MUC17: variants seen among roughly 807,000 people sequenced by gnomAD.
MUC17 encodes mucin 17, cell surface associated, also known as mucin-17.
Under a neutral mutation model 170.3 loss-of-function variants are expected in MUC17, and 190 were observed. The ratio of observed to expected loss-of-function variants is 1.12; its 90% CI spans 0.99 to 1.26. The LOEUF (loss-of-function observed/expected upper bound fraction) is 1.26. MUC17 is among the 50% of genes most tolerant of loss of function. The pLI, the probability that MUC17 is intolerant of heterozygous loss-of-function variation, is 0.00. For synonymous variants in MUC17, 2,325 were observed against 2,002.5 expected, an observed-to-expected ratio of 1.16 and a Z score of -4.30; for missense variants, 6,415 against 5,530.0, an observed-to-expected ratio of 1.16 and a Z score of -5.08.
At chr7:101,052,209 T>C (rs1367539588) in intron 9 of MUC17, among the ~76,000 whole-genome samples, 5 of 152,058 alleles carry the variant, frequency 3.3e-5, no homozygotes, top group Non-Finnish European at 7.4e-5. Context: ...CTGAGGAAGG[T>C]GACAACCTCC....
At chr7:101,052,673 T>A (rs1794970778) in intron 9 of MUC17, among the ~76,000 whole-genome samples, 1 of 152,012 alleles carries the variant, frequency 6.6e-6, no homozygotes, top group Non-Finnish European at 1.5e-5. Context: ...GGATGCAAGA[T>A]CACTGTGGGG....
chr7:101,033,744 A>C lies in MUC17; in HGVS notation c.2328A>C (p.Thr776=), dbSNP rs1794365679. 1 of 1,613,344 alleles carries C rather than the reference A, an allele frequency of 6.2e-7. No individual in the cohort carries two copies. Among genetic ancestry groups the C allele is most frequent in the East Asian group, 2.2e-5 (1 of 44,830 alleles). ...CAACAACTCCTCTTGACACAAGCAC[A>C]CATATCACCACTTCTACTGAAGCCA... ...TLSTTPLDTS[T]HITTSTEASC... Residue 776 remains threonine, a synonymous_variant, in exon 3 of 13, where the codon ACA becomes ACC. Coordinates refer to ENST00000306151, the MANE Select transcript of MUC17 (RefSeq NM_001040105.2).
chr7:101,050,293 C>T (rs1167753920), intron 6 of MUC17, among the ~76,000 whole-genome samples, 191 bp from the exon 7 acceptor site: 2 of 152,168 alleles, frequency 1.3e-5, no homozygotes, highest in South Asian at 2.1e-4. Context: ...GGGGGCCCAG[C>T]GCAGTGTGTA....
Position 101,051,670 on chromosome 7 carries a change from A to G in MUC17, c.12932A>G (p.Tyr4311Cys). 1 of 1,611,608 alleles carries G rather than the reference A, an allele frequency of 6.2e-7. No homozygotes were observed. Among genetic ancestry groups the G allele is most frequent in the Non-Finnish European group, 8.5e-7 (1 of 1,179,388 alleles). Residue 4311 changes from tyrosine to cysteine, a missense_variant, in exon 8 of 13, where the codon TAC becomes TGC. Coordinates refer to ENST00000306151, the MANE Select transcript of MUC17 (RefSeq NM_001040105.2). Reference sequence around the variant, plus strand: ...GTGCAAAACATTACGGTGACCCAGTACGACCCTGAAGGTAGGTGATAACAC... The same window carrying G: ...GTGCAAAACATTACGGTGACCCAGTGCGACCCTGAAGGTAGGTGATAACAC... ...TQVQNITVTQ[Y>C]DPEEDCRKMA... is the part of the protein sequence containing the mutation.
Position 101,020,092 on chromosome 7 carries a change from C to A in MUC17, c.-44C>A. 1 of 1,527,070 alleles carries A rather than the reference C, an allele frequency of 6.5e-7. No homozygotes were observed. The allele number at this position is 1,527,070 out of a possible 1,614,324, so 94.6% of individuals were successfully genotyped here. A position where few individuals can be genotyped will look rare whatever the true frequency, so the allele number is the denominator to read the frequency against. ...CCTTCTCTGAGGCTCATTTCGCCAG[C>A]TCCTCTGGGGGTGACAGGCAAGTGA... is the stretch of plus-strand genomic sequence containing the variant. On this transcript the variant is annotated 5_prime_UTR_variant, in exon 1 of 13. Transcript: ENST00000306151.
At chr7:101,054,585 T>C (rs954983761) in intron 11 of MUC17, among the ~76,000 whole-genome samples, 26 of 151,952 alleles carry the variant, frequency 1.7e-4, no homozygotes, top group African/African-American at 5.1e-4. Flanking sequence ...TCCCAATGCT[T>C]TGGGAGGCCG....
In MUC17 at chr7:101,040,764, G is replaced by A. The variant is rs140751440; in HGVS notation, c.9348G>A (p.Pro3116=). 355 of 1,612,380 alleles carry A rather than the reference G, an allele frequency of 2.2e-4. 2 individuals carry two copies. In the African/African-American group the frequency reaches 2.8e-3, roughly 13 times the overall value. ...CAGGTGTGCCTGTCAGCACCACACC[G>A]GTGACCAGTTCTGCAATCAGCACCC... ...PLTGVPVSTT[P]VTSSAISTLS... is the part of the protein sequence containing the mutation. Residue 3116 remains proline (P), a synonymous_variant, in exon 3 of 13, where the codon CCG becomes CCA. Transcript: ENST00000306151.
chr7:101,055,195 A>G (rs1360643056), intron 11 of MUC17, among the ~76,000 whole-genome samples: 1 of 152,168 alleles, frequency 6.6e-6, no homozygotes, highest in African/African-American at 2.4e-5. Context: ...ACGTAATGCA[A>G]ATATATCACA....
In MUC17 at chr7:101,037,074, C is replaced by G. The variant is rs772377781; in HGVS notation, c.5658C>G (p.Thr1886=). The part of the protein sequence containing the change: ...TTTVASSETN[T]LSTTPAVTST... ...CAGTGGCCAGTTCTGAAACCAACAC[C>G]CTTTCAACAACTCCCGCTGTCACCA... Residue 1886 remains threonine (T), a synonymous_variant, in exon 3 of 13, where the codon ACC becomes ACG. Coordinates refer to ENST00000306151, the MANE Select transcript of MUC17 (RefSeq NM_001040105.2). 39 of 1,558,726 alleles carry G rather than the reference C, an allele frequency of 2.5e-5. No individual in the cohort carries two copies. The highest frequency in any genetic ancestry group is 9.5e-5 in the African/African-American group (6 of 63,080).
chr7:101,053,190 T>A (rs769120100), intron 10 of MUC17, 43 bp downstream of exon 10: 27 of 1,598,844 alleles, frequency 1.7e-5, no homozygotes, highest in Middle Eastern at 1.7e-4. Context: ...TCCCTCCAGC[T>A]CCTCCTCTTC....
chr7:101,057,906 T>C, intron 12 of MUC17, 97 bp from the exon 13 acceptor site: 1 of 1,025,028 alleles, frequency 9.8e-7, no homozygotes, highest in Non-Finnish European at 1.4e-6. Context: ...ATAAAAATAA[T>C]TAAACAGAAC....
chr7:101,039,290 T>C lies in MUC17; in HGVS notation c.7874T>C (p.Ile2625Thr), dbSNP rs142739196. 8,937 of 1,596,610 alleles carry C rather than the reference T, an allele frequency of 5.6e-3. 54 individuals are homozygous for C. The highest frequency in any genetic ancestry group is 0.023 in the Admixed American group (1,329 of 57,364). Residue 2625 changes from isoleucine (I) to threonine (T), a missense_variant, in exon 3 of 13, where the codon ATC (isoleucine) becomes ACC (threonine). Coordinates refer to ENST00000306151, the MANE Select transcript of MUC17 (RefSeq NM_001040105.2). ...PTTAKDTSMP[I>T]STPSEVSTSL... Reference sequence around the variant, plus strand: ...ACTGCAAAAGATACCAGCATGCCAATCTCAACTCCTAGTGAAGTAAGTACT... The same window carrying C: ...ACTGCAAAAGATACCAGCATGCCAACCTCAACTCCTAGTGAAGTAAGTACT...
chr7:101,048,832 C>T lies in MUC17; in HGVS notation c.12536-13C>T. 2 of 1,613,890 alleles carry T rather than the reference C, an allele frequency of 1.2e-6. No individual in the cohort carries two copies. On this transcript the variant is annotated splice_polypyrimidine_tract_variant and intron_variant, in intron 4 of 12. Transcript: ENST00000306151. Reference sequence around the variant, plus strand: ...CTCAGAGATGCTTTGCTCAGTAAGTCTACCCGCCTCAGGGCCACCGGAGAC... The same window carrying T: ...CTCAGAGATGCTTTGCTCAGTAAGTTTACCCGCCTCAGGGCCACCGGAGAC...
At position 101,043,607 on chromosome 7, in the gene MUC17, C is replaced by T. The variant is rs1459611551; in HGVS notation, c.12191C>T (p.Pro4064Leu). The change falls in exon 3 of 13, where the codon CCT becomes CTT. Residue 4064 changes from proline to leucine, a missense_variant. By Grantham distance (98) the Pro-to-Leu change is moderately conservative. Coordinates refer to ENST00000306151, the MANE Select transcript of MUC17 (RefSeq NM_001040105.2). ...ACAATTACTTCTCACACCATCCCAC[C>T]TACATTTCCTCCTGCTCACTCCAGT... Reference protein sequence around the residue: ...PSTITSHTIPPTFPPAHSSTP... With the variant: ...PSTITSHTIPLTFPPAHSSTP... The T allele has an allele frequency of 6.2e-7, 1 of 1,614,152 alleles. No homozygotes were observed. Among genetic ancestry groups the T allele is most frequent in the Non-Finnish European group, 8.5e-7 (1 of 1,180,018 alleles).
chr7:101,025,663 G>A (rs1176982696), intron 1 of MUC17, among the ~76,000 whole-genome samples: 1 of 151,964 alleles, frequency 6.6e-6, no homozygotes, highest in African/African-American at 2.4e-5. Flanking sequence ...GTGTAGTTAT[G>A]TGCCCCTGTA....
chr7:101,026,224 C>G (rs764170177), intron 1 of MUC17, among the ~76,000 whole-genome samples: 1 of 152,228 alleles, frequency 6.6e-6, no homozygotes, highest in South Asian at 2.1e-4. Context: ...AGCCCTTGGC[C>G]TCCTATATCT....
rs186468050 is a variant in MUC17, at chr7:101,049,478, C to A, written c.12722+96C>A. 1.3e-3 allele frequency: 1,979 copies of A among 1,476,102 alleles called. 1 individual carries two copies. The highest frequency in any genetic ancestry group is 1.7e-3 in the Admixed American group (77 of 45,188). The allele number at this position is 1,476,102 out of a possible 1,614,324, so 91.4% of individuals were successfully genotyped here. A position where few individuals can be genotyped will look rare whatever the true frequency, so the allele number is the denominator to read the frequency against. ...GAACTGTGCCCCCTGCATTACTGTG[C>A]CCAGGCAGCTATTGCAGAATACCAC... On this transcript the variant is annotated intron_variant, in intron 6 of 12. Transcript: ENST00000306151.
In MUC17 at chr7:101,033,113, G is replaced by A. The variant is rs1794344983; in HGVS notation, c.1697G>A (p.Ser566Asn). ...ACCAGCATACCAACCTCAACTCCTAGTGAAGGAAGCACTCCATTAACAAAC... is the reference window on the plus strand; with the variant it reads ...ACCAGCATACCAACCTCAACTCCTAATGAAGGAAGCACTCCATTAACAAAC... ...EGTSIPTSTP[S>N]EGSTPLTNMP... The change falls in exon 3 of 13, where the codon AGT becomes AAT. Residue 566 changes from serine to asparagine, a missense_variant. Physicochemically the swap from Ser to Asn is conservative, Grantham distance 46 (BLOSUM62 1). Transcript: ENST00000306151. 2 of 1,611,410 alleles carry A rather than the reference G, an allele frequency of 1.2e-6. No homozygotes were observed. The highest frequency in any genetic ancestry group is 1.3e-5 in the African/African-American group (1 of 74,538).
In MUC17 at chr7:101,053,404, C is replaced by A. The variant is rs751842112; in HGVS notation, c.13331C>A (p.Thr4444Asn). 4 of 1,613,856 alleles carry A rather than the reference C, an allele frequency of 2.5e-6. No homozygotes were observed. Among genetic ancestry groups the A allele is most frequent in the Non-Finnish European group, 3.4e-6 (4 of 1,179,978 alleles). The part of the protein sequence containing the change: ...QEEDSGPAPG[T>N]FQNIGFDICQ... The stretch of plus-strand genomic sequence containing the variant: ...GAGGACAGTGGACCAGCTCCTGGGA[C>A]CTTCCAAAACATTGGCTTTGACATC... The change falls in exon 11 of 13, where the codon ACC (threonine) becomes AAC (asparagine). Residue 4444 changes from threonine to asparagine, a missense_variant. Coordinates refer to ENST00000306151, the MANE Select transcript of MUC17 (RefSeq NM_001040105.2).
Sources: allele counts gnomAD v4.1 joint callset (sites outside exome capture counted in the v4.1 genomes callset), GRCh38; gene constraint gnomAD v4.1.1; transcripts MANE v1.5; gene names NCBI Gene and HGNC (gene_info 2026-07-23, HGNC 2026-07-21).